Variants in PPP1R21 observed in about 807,000 individuals in gnomAD.
PPP1R21 encodes protein phosphatase 1 regulatory subunit 21.
Under a neutral mutation model 112.8 loss-of-function variants are expected in PPP1R21, and 85 were observed. The observed-to-expected ratio is 0.75, with a 90% CI of 0.63 to 0.90. PPP1R21 has a LOEUF of 0.90. Ranked by LOEUF, PPP1R21 falls within the 40% of genes least tolerant of loss-of-function variation. PPP1R21 has a pLI of 0.00. For missense variants in PPP1R21, 1,199 were observed against 901.5 expected (o/e 1.33, Z -4.23); for synonymous variants, 381 against 322.3 (o/e 1.18, Z -1.95).
chr2:48,494,874 C>T (rs1433421301), intron 15 of PPP1R21, among the ~76,000 whole-genome samples: 4 of 151,864 alleles, frequency 2.6e-5, no homozygotes, highest in Admixed American at 6.6e-5. Flanking sequence ...TGTGCCACCA[C>T]GCCTGGCTAA....
At chr2:48,514,241 A>G (rs994558156) in intron 21 of PPP1R21, among the ~76,000 whole-genome samples, 1 of 151,704 alleles carries the variant, frequency 6.6e-6, no homozygotes, top group Non-Finnish European at 1.5e-5. Context: ...ACCCGCCACC[A>G]TGCCCGGCTA....
At chr2:48,461,292 C>G in intron 7 of PPP1R21, 60 bp downstream of exon 7, 7 of 1,436,686 alleles carry the variant, frequency 4.9e-6, no homozygotes, top group Non-Finnish European at 6.4e-6. Context: ...TGGTAGCCAA[C>G]TAATTAAAGT....
rs116202458 is a variant in PPP1R21, at chr2:48,484,553, G to C, written c.1319-2078G>C. ...TTTTTTCTGGACTGATTCTTGCTCTGTTGCCCAGGCTGGACTGCAGTGGCA... is the reference window on the plus strand; with the variant it reads ...TTTTTTCTGGACTGATTCTTGCTCTCTTGCCCAGGCTGGACTGCAGTGGCA... On this transcript the variant is annotated intron_variant, in intron 13 of 21. Coordinates refer to ENST00000294952, the MANE Select transcript of PPP1R21 (RefSeq NM_001135629.3). Among the ~76,000 whole-genome samples, 785 of 126,120 alleles carry C rather than the reference G, an allele frequency of 6.2e-3. 11 individuals are homozygous for C. Among genetic ancestry groups the C allele is most frequent in the African/African-American group, 0.022 (746 of 33,272 alleles). The allele number at this position is 126,120 out of a possible 152,430, so 82.7% of individuals were successfully genotyped here. A position where few individuals can be genotyped will look rare whatever the true frequency, so the allele number is the denominator to read the frequency against.
Position 48,440,992 on chromosome 2 carries a change from G to T in PPP1R21, c.39G>T (p.Leu13=), listed in dbSNP as rs913476889. 4 of 1,611,138 alleles carry T rather than the reference G, an allele frequency of 2.5e-6. No individual in the cohort carries two copies. The highest frequency in any genetic ancestry group is 1.7e-5 in the Admixed American group (1 of 59,938). ...SAELQGKYQK[L]AQEYSKLRAQ... ...AGTTGCAGGGGAAGTACCAGAAGCT[G>T]GCTCAGGAGTACTCGAAGGTACCCA... Residue 13 remains leucine, a synonymous_variant, in exon 1 of 22, where the codon CTG becomes CTT. Coordinates refer to ENST00000294952, the MANE Select transcript of PPP1R21 (RefSeq NM_001135629.3).
chr2:48,459,905 A>G lies in PPP1R21; in HGVS notation c.527A>G (p.Lys176Arg). Reference protein sequence around the residue: ...METIEKLQNDKAKLEVKSQTL... With the variant: ...METIEKLQNDRAKLEVKSQTL... Reference sequence around the variant, plus strand: ...ACCATTGAGAAGCTGCAGAACGACAAGGCTAAACTAGAAGTAAGCCCCATT... The same window carrying G: ...ACCATTGAGAAGCTGCAGAACGACAGGGCTAAACTAGAAGTAAGCCCCATT... Residue 176 changes from lysine to arginine, a missense_variant, in exon 5 of 22, where the codon AAG (lysine) becomes AGG (arginine). Lys to Arg is a conservative substitution (Grantham distance 26). Coordinates refer to ENST00000294952, the MANE Select transcript of PPP1R21 (RefSeq NM_001135629.3). The G allele has an allele frequency of 6.2e-7, 1 of 1,613,714 alleles. No homozygotes were observed. The highest frequency in any genetic ancestry group is 8.5e-7 in the Non-Finnish European group (1 of 1,179,862).
chr2:48,507,704 A>G (rs1420858156), intron 19 of PPP1R21, among the ~76,000 whole-genome samples: 1 of 140,284 alleles, frequency 7.1e-6, no homozygotes, highest in African/African-American at 2.7e-5. Context: ...CCAACTAAAA[A>G]TCTTTATTTC....
chr2:48,487,053 T>G (rs1476446892), intron 14 of PPP1R21, among the ~76,000 whole-genome samples: 1 of 152,192 alleles, frequency 6.6e-6, no homozygotes, highest in Non-Finnish European at 1.5e-5. Context: ...ACCTAATGTT[T>G]AAAGCAATGT....
chr2:48,447,331 C>G (rs969455263), intron 1 of PPP1R21, among the ~76,000 whole-genome samples: 1 of 152,034 alleles, frequency 6.6e-6, no homozygotes, highest in African/African-American at 2.4e-5. Context: ...TAAAATGAAT[C>G]AGAAAATTAC....
intron 21 of PPP1R21, 113 bp from the exon 22 acceptor site, chr2:48,514,602 G>A: frequency 1.3e-6 from 1 of 763,956 alleles, no homozygotes; most frequent in Non-Finnish European, 2.3e-6. Flanking sequence ...TCTCCTTTTT[G>A]GAAGCTAGTG....
At chr2:48,454,454 C>A in intron 2 of PPP1R21, 141 bp from the exon 3 acceptor site, 1 of 934,358 alleles carries the variant, frequency 1.1e-6, no homozygotes, top group Non-Finnish European at 1.6e-6. Context: ...AACTTAAGAA[C>A]TGAAGTGATA....
chr2:48,511,727 C>G (rs1468858544), intron 21 of PPP1R21, among the ~76,000 whole-genome samples: 1 of 151,172 alleles, frequency 6.6e-6, no homozygotes, highest in African/African-American at 2.4e-5. Flanking sequence ...AAAAATAAGC[C>G]AAGCATGAGG....
chr2:48,506,299 G>A (rs570063674), intron 18 of PPP1R21, among the ~76,000 whole-genome samples: 1 of 152,220 alleles, frequency 6.6e-6, no homozygotes, highest in East Asian at 1.9e-4. Flanking sequence ...TCGCCATGTT[G>A]GCCAGGCTGG....
At chr2:48,457,943 G>T (rs1368153042) in intron 3 of PPP1R21, 183 bp from the exon 4 acceptor site, 4 of 563,884 alleles carry the variant, frequency 7.1e-6, no homozygotes, top group African/African-American at 5.7e-5. Context: ...TACAATATTT[G>T]CAGTTTCAAC....
At chr2:48,460,221 G>A (rs781648368) in intron 6 of PPP1R21, 68 bp downstream of exon 6, 1 of 1,458,604 alleles carries the variant, frequency 6.9e-7, no homozygotes, top group South Asian at 1.2e-5. Flanking sequence ...TTTGGTTGTA[G>A]CAGCTCCTCT....
At chr2:48,474,128 A>G (rs1446365116) in intron 11 of PPP1R21, among the ~76,000 whole-genome samples, 1 of 152,206 alleles carries the variant, frequency 6.6e-6, no homozygotes, top group Non-Finnish European at 1.5e-5. Context: ...CATGCCTGTA[A>G]TCCCAGCACT....
At chr2:48,486,129 A>T (rs867774762) in intron 13 of PPP1R21, among the ~76,000 whole-genome samples, 14 of 152,044 alleles carry the variant, frequency 9.2e-5, no homozygotes, top group Middle Eastern at 3.4e-3. Context: ...TCCAATCCGT[A>T]TTTGGCTGTG....
In PPP1R21 at chr2:48,498,533, A is replaced by G; in HGVS notation, c.1733A>G (p.Glu578Gly). The G allele has an allele frequency of 1.2e-6, 2 of 1,614,182 alleles. No homozygotes were observed. ...GAAAAGATTTCTAAACTGGAGCAGG[A>G]AAAAGAACATTGGATGTTGGAAGCA... ...SLEKISKLEQ[E>G]KEHWMLEAQL... Residue 578 changes from glutamate to glycine, a missense_variant, in exon 17 of 22, where the codon GAA becomes GGA. Physicochemically the swap from Glu to Gly is moderately conservative, Grantham distance 98. Transcript: ENST00000294952.
At chr2:48,475,570 G>A (rs1336636731) in intron 12 of PPP1R21, among the ~76,000 whole-genome samples, 2 of 151,522 alleles carry the variant, frequency 1.3e-5, no homozygotes, top group Admixed American at 1.3e-4. Context: ...TTTCAGGGCC[G>A]GGCGCGGTGG....
chr2:48,479,102 T>C (rs1422283349), intron 12 of PPP1R21, among the ~76,000 whole-genome samples: 2 of 152,170 alleles, frequency 1.3e-5, no homozygotes, highest in Admixed American at 6.5e-5. Context: ...GCCCCACTTT[T>C]CTTGGCAGCA....
Sources: allele counts gnomAD v4.1 joint callset (sites outside exome capture counted in the v4.1 genomes callset), GRCh38; gene constraint gnomAD v4.1.1; transcripts MANE v1.5; gene names NCBI Gene and HGNC (gene_info 2026-07-23, HGNC 2026-07-21).